Variants in ADARB2 observed in about 807,000 individuals in gnomAD.
The protein encoded by ADARB2 is adenosine deaminase RNA specific B2 (inactive), also known as inactive double-stranded RNA-specific editase B2.
In ADARB2, 25 loss-of-function variants were observed where a neutral mutation model predicts 62.2. The ratio of observed to expected loss-of-function variants is 0.40; its 90% CI spans 0.29 to 0.56. The LOEUF (loss-of-function observed/expected upper bound fraction) is 0.56, where lower values mean the gene tolerates loss of function less well. Among genes scored for constraint, ADARB2 ranks in the 20% least tolerant of loss-of-function variants. The probability of loss-of-function intolerance (pLI) is 0.43; values close to 1 mark genes in which losing one functional copy is unlikely to be tolerated. For missense variants in ADARB2, 1,071 were observed against 1,077.4 expected, an observed-to-expected ratio of 0.99 and a Z score of 0.08; for synonymous variants, 572 against 500.8, an observed-to-expected ratio of 1.14 and a Z score of -1.90.
At chr10:1,638,527 A>C (rs971150030) in intron 1 of ADARB2, among the ~76,000 whole-genome samples, 8 of 150,998 alleles carry the variant, frequency 5.3e-5, no homozygotes, top group African/African-American at 1.5e-4. Context: ...TGGTCAGGCC[A>C]ATTATAGCGA....
chr10:1,311,859 C>T (rs1831695186), intron 3 of ADARB2, among the ~76,000 whole-genome samples: 1 of 152,170 alleles, frequency 6.6e-6, no homozygotes, highest in South Asian at 2.1e-4. Flanking sequence ...GGATCTTAAG[C>T]CTCCCGGAGA....
intron 3 of ADARB2, chr10:1,290,053 T>A (rs1431670364): frequency 3.9e-5 from 6 of 152,362 alleles, no homozygotes; most frequent in Non-Finnish European, 5.9e-5. Context: ...CATAATTAGT[T>A]ACAGTAAAGA....
chr10:1,641,851 A>G (rs1833982603), intron 1 of ADARB2, among the ~76,000 whole-genome samples: 1 of 152,130 alleles, frequency 6.6e-6, no homozygotes. Context: ...TGTCTCTACT[A>G]AAAATACAAA....
chr10:1,551,987 T>G (rs1377046312), intron 1 of ADARB2, among the ~76,000 whole-genome samples: 3 of 151,920 alleles, frequency 2.0e-5, no homozygotes, highest in Non-Finnish European at 4.4e-5. Context: ...GTGAGGTGAG[T>G]GAGGCTGAGC....
chr10:1,561,571 C>T (rs567585573), intron 1 of ADARB2, among the ~76,000 whole-genome samples: 129 of 152,320 alleles, frequency 8.5e-4, no homozygotes, highest in African/African-American at 2.7e-3. Context: ...ATGATCATTT[C>T]GGAGCCTTTT....
intron 4 of ADARB2, among the ~76,000 whole-genome samples, chr10:1,258,378 G>A (rs1831100282): frequency 6.6e-6 from 1 of 152,108 alleles, no homozygotes; most frequent in African/African-American, 2.4e-5. Flanking sequence ...TGGAAAAAGA[G>A]TCAAGACCCA....
intron 3 of ADARB2, among the ~76,000 whole-genome samples, chr10:1,278,677 C>A (rs2131803752): frequency 6.6e-6 from 1 of 152,006 alleles, no homozygotes; most frequent in Middle Eastern, 3.4e-3. Context: ...AAACTCCTTC[C>A]TAGGCCCGAA....
intron 2 of ADARB2, among the ~76,000 whole-genome samples, chr10:1,377,606 A>C (rs989596297): frequency 6.6e-6 from 1 of 152,004 alleles, no homozygotes; most frequent in Non-Finnish European, 1.5e-5. Flanking sequence ...GTAGTGATCA[A>C]TAAATGGACT....
chr10:1,253,395 C>T (rs947905669), intron 4 of ADARB2, among the ~76,000 whole-genome samples: 1 of 152,222 alleles, frequency 6.6e-6, no homozygotes, highest in Non-Finnish European at 1.5e-5. Flanking sequence ...AGACAAGACA[C>T]GTTCAAGAAC....
At chr10:1,495,834 T>C (rs1185506799) in intron 1 of ADARB2, among the ~76,000 whole-genome samples, 1 of 151,912 alleles carries the variant, frequency 6.6e-6, no homozygotes, top group Non-Finnish European at 1.5e-5. Flanking sequence ...ACCACCATTA[T>C]CATTGTCATC....
rs74122654 is a variant in ADARB2 at position 1,465,041 on chromosome 10, C to A, written c.101-85881G>T. On this transcript the variant is annotated intron_variant, in intron 1 of 9. Coordinates refer to ENST00000381312, the MANE Select transcript of ADARB2 (RefSeq NM_018702.4). ...ATGGAGGAGTTAACACGGCTCCTCC[C>A]TGGGATGAAACACGACCCAGCCATG... Among the ~76,000 whole-genome samples the A allele has an allele frequency of 3.9e-3, 591 of 152,328 alleles. 3 individuals are homozygous for A. Among genetic ancestry groups the A allele is most frequent in the African/African-American group, 0.013 (561 of 41,580 alleles).
intron 1 of ADARB2, among the ~76,000 whole-genome samples, chr10:1,561,908 C>G (rs760535989): frequency 3.9e-5 from 6 of 152,232 alleles, no homozygotes; most frequent in Non-Finnish European, 7.3e-5. Context: ...ATTGCCACAT[C>G]GTGTCTTTGC....
intron 1 of ADARB2, among the ~76,000 whole-genome samples, chr10:1,454,955 T>C (rs1831079777): frequency 6.6e-6 from 1 of 152,236 alleles, no homozygotes; most frequent in African/African-American, 2.4e-5. Flanking sequence ...TGCTGTTTAA[T>C]ACCAACAAGC....
At chr10:1,483,187 A>G (rs77288065) in intron 1 of ADARB2, among the ~76,000 whole-genome samples, 5,480 of 152,304 alleles carry the variant, frequency 0.036, 217 homozygotes, top group African/African-American at 0.1. Flanking sequence ...AAAGTCCCGT[A>G]AGATTTAAAT....
At chr10:1,449,218 T>C (rs898511031) in intron 1 of ADARB2, among the ~76,000 whole-genome samples, 1 of 152,180 alleles carries the variant, frequency 6.6e-6, no homozygotes, top group Non-Finnish European at 1.5e-5. Context: ...ACTGTCACTT[T>C]CCCACATTTG....
At chr10:1,322,200 C>T (rs761410892) in intron 3 of ADARB2, among the ~76,000 whole-genome samples, 13 of 152,072 alleles carry the variant, frequency 8.5e-5, no homozygotes, top group Admixed American at 2.6e-4. Context: ...GATATAATTT[C>T]GGATGGGCAC....
chr10:1,653,555 C>T (rs1190424768), intron 1 of ADARB2, among the ~76,000 whole-genome samples: 4 of 148,274 alleles, frequency 2.7e-5, no homozygotes, highest in African/African-American at 7.6e-5. Flanking sequence ...CCTGCAGAGC[C>T]ACAGTCTCCA....
At chr10:1,496,504 G>C (rs1270944054) in intron 1 of ADARB2, among the ~76,000 whole-genome samples, 1 of 151,678 alleles carries the variant, frequency 6.6e-6, no homozygotes, top group African/African-American at 2.4e-5. Context: ...CCATATCATT[G>C]TCATGATCAC....
intron 3 of ADARB2, among the ~76,000 whole-genome samples, chr10:1,349,259 C>T (rs375780590): frequency 5.7e-4 from 87 of 152,256 alleles, no homozygotes; most frequent in African/African-American, 2.0e-3. Context: ...AGAACAACCC[C>T]CCTTCTTCCT....
Sources: gnomAD v4.1 joint callset for allele counts (sites outside exome capture counted in the v4.1 genomes callset) on GRCh38, gnomAD v4.1.1 for gene constraint, MANE v1.5 for transcripts, NCBI Gene and HGNC (gene_info 2026-07-23, HGNC 2026-07-21) for gene names.